The following ADGRD1 variants were observed in gnomAD, a reference collection of about 807,000 sequenced individuals.
ADGRD1 encodes G-protein coupled receptor 133.
Under a neutral mutation model 113.4 loss-of-function variants are expected in ADGRD1, and 77 were observed. The ratio of observed to expected loss-of-function variants is 0.68; its 90% confidence interval spans 0.57 to 0.82. The LOEUF (loss-of-function observed/expected upper bound fraction) is 0.82. ADGRD1 is among the 40% of genes least tolerant of loss of function. ADGRD1 has a pLI of 0.00. For synonymous variants in ADGRD1, 474 were observed against 475.0 expected, an observed-to-expected ratio of 1.00 and a Z score of 0.03; for missense variants, 1,036 against 1,139.1, an observed-to-expected ratio of 0.91 and a Z score of 1.30.
chr12:131,008,752 G>A (rs1047960352), intron 12 of ADGRD1, among the ~76,000 whole-genome samples: 4 of 152,162 alleles, frequency 2.6e-5, no homozygotes, highest in East Asian at 3.9e-4. Context: ...CGGGACAGCC[G>A]GTTCCTCCAG....
chr12:131,094,126 C>G (rs1887115740), intron 15 of ADGRD1, among the ~76,000 whole-genome samples: 1 of 151,146 alleles, frequency 6.6e-6, no homozygotes. Context: ...GCCTCGGTAC[C>G]CAGCCCTGAG....
Position 131,139,371 on chromosome 12 carries a change from A to T in ADGRD1, c.*108A>T. ...ACCCTCTCCTTGCTGCTGTCTGGAC[A>T]TGGGTGTTGTGGCCCCGAGACAGCT... On this transcript the variant is annotated 3_prime_UTR_variant, in exon 25 of 25. Transcript: ENST00000261654. The T allele has an allele frequency of 5.2e-6, 4 of 764,778 alleles. No individual in the cohort carries two copies. The Admixed American group carries it at 8.5e-5, about 16-fold the overall frequency. The allele number at this position is 764,778 out of a possible 1,614,324, so 47.4% of individuals were successfully genotyped here. A position where few individuals can be genotyped will look rare whatever the true frequency, so the allele number is the denominator to read the frequency against.
rs1871606807 is a variant in ADGRD1, at chr12:130,971,271, T to G, written c.188-187T>G. The G allele has an allele frequency of 1.8e-5, 5 of 280,628 alleles. No homozygotes were observed. Among genetic ancestry groups the G allele is most frequent in the Admixed American group, 5.0e-5 (1 of 19,892 alleles). 17.4% of individuals were successfully genotyped at this position (280,628 alleles called of 1,614,324 possible). On this transcript the variant is annotated intron_variant, in intron 3 of 24. Transcript: ENST00000261654. The surrounding 1 kb of genome is among the most constrained non-coding windows in gnomAD (Gnocchi z 4.2). ...GACATACACATTAATAATTTACAATTTAATTACTAATAATATTACTGATGC... is the reference window on the plus strand; with the variant it reads ...GACATACACATTAATAATTTACAATGTAATTACTAATAATATTACTGATGC...
At chr12:131,106,074 G>A (rs973643385) in intron 17 of ADGRD1, among the ~76,000 whole-genome samples, 12 of 152,162 alleles carry the variant, frequency 7.9e-5, no homozygotes, top group African/African-American at 2.7e-4. Context: ...TAAAGCTGCC[G>A]CTGCCGCCAC....
intron 4 of ADGRD1, among the ~76,000 whole-genome samples, chr12:130,972,619 A>G (rs1871808605): frequency 1.3e-5 from 2 of 152,156 alleles, no homozygotes; most frequent in African/African-American, 2.4e-5. Flanking sequence ...TTATTTTTAC[A>G]AAGTAAAAAA....
intron 13 of ADGRD1, among the ~76,000 whole-genome samples, chr12:131,019,147 C>T (rs1040403606): frequency 2.0e-5 from 3 of 152,204 alleles, no homozygotes; most frequent in Non-Finnish European, 2.9e-5. Context: ...GACCTTGGGC[C>T]GACTCAGCAG....
chr12:131,073,070 G>A (rs1885306584), intron 13 of ADGRD1, among the ~76,000 whole-genome samples: 1 of 152,184 alleles, frequency 6.6e-6, no homozygotes, highest in Non-Finnish European at 1.5e-5. Context: ...TCTCAGCACT[G>A]GGGTGGCCCA....
intron 8 of ADGRD1, among the ~76,000 whole-genome samples, chr12:130,997,630 G>A (rs1256669059): frequency 1.3e-5 from 2 of 149,732 alleles, no homozygotes; most frequent in Non-Finnish European, 3.0e-5. Context: ...GACACTCCTC[G>A]CTTCCTAGAT....
At chr12:131,013,947 A>T (rs946159273) in intron 12 of ADGRD1, among the ~76,000 whole-genome samples, 1 of 152,210 alleles carries the variant, frequency 6.6e-6, no homozygotes, top group African/African-American at 2.4e-5. Context: ...TCACACCTTA[A>T]CGAGAGCAGG....
intron 9 of ADGRD1, chr12:131,002,718 C>T (rs747796537): frequency 4.4e-5 from 54 of 1,241,134 alleles, no homozygotes; most frequent in Non-Finnish European, 5.5e-5. Context: ...CCAGAGATAG[C>T]TCTGGGTGCC....
At chr12:131,028,362 A>G (rs1286457203) in intron 13 of ADGRD1, among the ~76,000 whole-genome samples, 2 of 152,058 alleles carry the variant, frequency 1.3e-5, no homozygotes, top group Non-Finnish European at 2.9e-5. Context: ...CATTTGTTTG[A>G]TATACGTATT....
chr12:131,139,270 AG>A lies in ADGRD1; in HGVS notation c.*9del, dbSNP rs1235477688. ...CGACCTGTCAGCCGTGTGAGCCGGG[AG>A]GCTGCCAACCAGGCCAGGCTGCGCT... On this transcript the variant is annotated 3_prime_UTR_variant, in exon 25 of 25. Coordinates refer to ENST00000261654, the MANE Select transcript of ADGRD1 (RefSeq NM_198827.5). 1 of 1,604,758 alleles carries A rather than the reference AG, an allele frequency of 6.2e-7. No homozygotes were observed. Among genetic ancestry groups the A allele is most frequent in the Admixed American group, 1.7e-5 (1 of 59,762 alleles).
At chr12:131,056,777 G>C (rs1452322187) in intron 13 of ADGRD1, among the ~76,000 whole-genome samples, 1 of 152,200 alleles carries the variant, frequency 6.6e-6, no homozygotes, top group Non-Finnish European at 1.5e-5. Flanking sequence ...ACTTCCCCTG[G>C]TTCTAGCGTG....
intron 20 of ADGRD1, among the ~76,000 whole-genome samples, chr12:131,130,790 C>T (rs994416792): frequency 4.0e-5 from 6 of 151,798 alleles, no homozygotes; most frequent in Admixed American, 2.0e-4. Flanking sequence ...CGTGCGGGGC[C>T]CCAGTGGCTG....
At chr12:131,046,288 C>T (rs1882745048) in intron 13 of ADGRD1, among the ~76,000 whole-genome samples, 1 of 144,108 alleles carries the variant, frequency 6.9e-6, no homozygotes, top group African/African-American at 2.6e-5. Flanking sequence ...GTCAATGCTC[C>T]CTCCCTGGTC....
chr12:131,044,590 G>A (rs1365593836), intron 13 of ADGRD1, among the ~76,000 whole-genome samples: 1 of 152,130 alleles, frequency 6.6e-6, no homozygotes, highest in Non-Finnish European at 1.5e-5. Context: ...TCCAAATGCT[G>A]GCAGTGTCCT....
intron 13 of ADGRD1, among the ~76,000 whole-genome samples, chr12:131,045,500 C>T (rs1261507605): frequency 2.3e-5 from 2 of 85,514 alleles, no homozygotes; most frequent in African/African-American, 1.3e-4. Context: ...CAGTGCTGTA[C>T]AGGGACCCCC....
Position 130,987,198 on chromosome 12 carries a change from T to G in ADGRD1, c.594T>G (p.Ser198=), listed in dbSNP as rs200124958. ...LSTSDPSGKV[S]RDYGESNVNL... is the part of the protein sequence containing the mutation. ...CCTCTGATCCGAGTGGAAAAGTGTC[T>G]CGTGACTATGGAGAGTCCAACGTCA... Residue 198 remains serine (S), a synonymous_variant, in exon 6 of 25, where the codon TCT becomes TCG. Coordinates refer to ENST00000261654, the MANE Select transcript of ADGRD1 (RefSeq NM_198827.5). 3 of 1,614,214 alleles carry G rather than the reference T, an allele frequency of 1.9e-6. No individual in the cohort carries two copies. Among genetic ancestry groups the G allele is most frequent in the Non-Finnish European group, 2.5e-6 (3 of 1,180,020 alleles).
At chr12:130,997,977 G>T (rs1040913584) in intron 8 of ADGRD1, among the ~76,000 whole-genome samples, 3 of 152,162 alleles carry the variant, frequency 2.0e-5, no homozygotes, top group African/African-American at 4.8e-5. Flanking sequence ...TGAGGCTGGC[G>T]GATCACTCGC....
Sources: allele counts gnomAD v4.1 joint callset (sites outside exome capture counted in the v4.1 genomes callset), GRCh38; gene constraint gnomAD v4.1.1; non-coding constraint Gnocchi (gnomAD v3.1); transcripts MANE v1.5; gene names NCBI Gene and HGNC (gene_info 2026-07-23, HGNC 2026-07-21).